Variants in ACSS3 observed in about 807,000 individuals in gnomAD.
ACSS3 encodes acyl-CoA synthetase short-chain family member 3, mitochondrial.
Under a neutral mutation model 84.2 loss-of-function variants are expected in ACSS3, and 64 were observed. The observed-to-expected ratio is 0.76, with a 90% CI of 0.62 to 0.94. The LOEUF is 0.94. Among genes scored for constraint, ACSS3 ranks in the 40% least tolerant of loss-of-function variants. ACSS3 has a pLI of 0.00. For synonymous variants in ACSS3, 317 were observed against 310.1 expected (o/e 1.02, Z -0.23); for missense variants, 815 against 867.6 (o/e 0.94, Z 0.76).
At chr12:81,242,850 G>A (rs1593236117) in intron 13 of ACSS3, among the ~76,000 whole-genome samples, 1 of 151,902 alleles carries the variant, frequency 6.6e-6, no homozygotes, top group East Asian at 1.9e-4. Flanking sequence ...ATATTGATGG[G>A]ATGTATCTCA....
rs147014007 is a variant in ACSS3 at position 81,083,885 on chromosome 12, G to A, written c.311+5454G>A. Among the ~76,000 whole-genome samples the A allele has an allele frequency of 3.8e-3, 582 of 152,138 alleles. 5 individuals are homozygous for A. The highest frequency in any genetic ancestry group is 0.013 in the African/African-American group (550 of 41,554). ...CTTGGGAGACTGAGGCAGGAGAATCGCTTGATCTAGGGAGTCAGAGCCAAG... is the reference window on the plus strand; with the variant it reads ...CTTGGGAGACTGAGGCAGGAGAATCACTTGATCTAGGGAGTCAGAGCCAAG... On this transcript the variant is annotated intron_variant, in intron 1 of 15. Transcript: ENST00000548058.
intron 1 of ACSS3, among the ~76,000 whole-genome samples, chr12:81,091,077 C>T (rs956368693): frequency 1.1e-4 from 17 of 151,506 alleles, no homozygotes; most frequent in Admixed American, 7.2e-4. Context: ...ATTAATTTTT[C>T]TCAAATATTT....
At chr12:81,239,824 A>G (rs1167300618) in intron 13 of ACSS3, among the ~76,000 whole-genome samples, 1 of 151,966 alleles carries the variant, frequency 6.6e-6, no homozygotes, top group Admixed American at 6.6e-5. Flanking sequence ...CTTGTTCTCA[A>G]TTTATCTCAA....
In ACSS3 at chr12:81,259,155, A is replaced by G; in HGVS notation, c.*4233A>G. 1 of 197,104 alleles carries G rather than the reference A, an allele frequency of 5.1e-6. No homozygotes were observed. The highest frequency in any genetic ancestry group is 7.9e-5 in the South Asian group (1 of 12,596). The allele number at this position is 197,104 out of a possible 1,614,324, so 12.2% of individuals were successfully genotyped here. A position where few individuals can be genotyped will look rare whatever the true frequency, so the allele number is the denominator to read the frequency against. ...GGAGAAACACGTTGAAGCATGAAAC[A>G]TGCTTCAAGGAAACATATTGATTTG... On this transcript the variant is annotated 3_prime_UTR_variant, in exon 16 of 16. Coordinates refer to ENST00000548058, the MANE Select transcript of ACSS3 (RefSeq NM_024560.4).
intron 1 of ACSS3, among the ~76,000 whole-genome samples, chr12:81,085,795 G>A (rs1881269547): frequency 2.0e-5 from 3 of 152,272 alleles, no homozygotes; most frequent in East Asian, 1.9e-4. Flanking sequence ...ATTGGATGGT[G>A]GTAATGTGTC....
rs192139880 is a variant in ACSS3, at chr12:81,256,611, C to T, written c.*1689C>T. The T allele has an allele frequency of 9.8e-4, 149 of 152,088 alleles. 1 individual carries two copies. Among genetic ancestry groups the T allele is most frequent in the African/African-American group, 3.4e-3 (143 of 41,488 alleles). 9.4% of individuals were successfully genotyped at this position (152,088 alleles called of 1,614,324 possible). On this transcript the variant is annotated 3_prime_UTR_variant, in exon 16 of 16. Transcript: ENST00000548058. ...AAGAGCAGATTGTTGTAACATAATACTCAGGATACATGAAATGTATGTGAG... is the reference window on the plus strand; with the variant it reads ...AAGAGCAGATTGTTGTAACATAATATTCAGGATACATGAAATGTATGTGAG...
chr12:81,257,356 A>C lies in ACSS3; in HGVS notation c.*2434A>C, dbSNP rs2034339504. 6.6e-6 allele frequency: 1 copy of C among 152,156 alleles called. No homozygotes were observed. The allele number at this position is 152,156 out of a possible 1,614,324, so 9.4% of individuals were successfully genotyped here. On this transcript the variant is annotated 3_prime_UTR_variant, in exon 16 of 16. Transcript: ENST00000548058. ...ATCAGACTGCTTAAAATTTGGGAGG[A>C]AAAAATTCTATTTTACTACTAACCA...
intron 13 of ACSS3, among the ~76,000 whole-genome samples, chr12:81,243,171 C>A (rs2033867881): frequency 6.6e-6 from 1 of 152,094 alleles, no homozygotes; most frequent in Non-Finnish European, 1.5e-5. Flanking sequence ...TCTCAGGATA[C>A]AAAATCAATG....
In ACSS3 at chr12:81,231,133, T is replaced by C. The variant is rs760491965; in HGVS notation, c.1591T>C (p.Phe531Leu). The change falls in exon 12 of 16, where the codon TTT (phenylalanine) becomes CTT (leucine). Residue 531 changes from phenylalanine (F) to leucine (L), a missense_variant. By Grantham distance (22) the Phe-to-Leu change is conservative. Coordinates refer to ENST00000548058, the MANE Select transcript of ACSS3 (RefSeq NM_024560.4). ...EAFKHLYFEK[F>L]PGYYDTMDAG... Reference sequence around the variant, plus strand: ...ATTCAAGCATTTATACTTTGAAAAATTTCCTGTAAGAACTTTAATATGCTT... The same window carrying C: ...ATTCAAGCATTTATACTTTGAAAAACTTCCTGTAAGAACTTTAATATGCTT... The C allele has an allele frequency of 3.7e-6, 6 of 1,606,720 alleles. No individual in the cohort carries two copies. Among genetic ancestry groups the C allele is most frequent in the African/African-American group, 2.7e-5 (2 of 74,458 alleles).
chr12:81,201,869 A>G (rs2032126088), intron 9 of ACSS3, among the ~76,000 whole-genome samples: 1 of 152,158 alleles, frequency 6.6e-6, no homozygotes, highest in South Asian at 2.1e-4. Flanking sequence ...AAATAATTTC[A>G]TTATAGGTGA....
At chr12:81,218,944 A>G (rs971152108) in intron 10 of ACSS3, among the ~76,000 whole-genome samples, 3 of 152,126 alleles carry the variant, frequency 2.0e-5, no homozygotes, top group Non-Finnish European at 4.4e-5. Flanking sequence ...ATAATAAAAA[A>G]AAACGCAGGA....
intron 9 of ACSS3, among the ~76,000 whole-genome samples, chr12:81,200,575 C>T (rs376915991): frequency 9.9e-5 from 15 of 151,912 alleles, no homozygotes; most frequent in African/African-American, 3.6e-4. Context: ...TATATTATGT[C>T]CTTGAATATT....
chr12:81,228,774 A>G (rs186534887), intron 11 of ACSS3, among the ~76,000 whole-genome samples: 3 of 151,958 alleles, frequency 2.0e-5, no homozygotes, highest in Admixed American at 6.6e-5. Context: ...AAAGAGCACT[A>G]AATACTAACT....
At chr12:81,115,487 G>T (rs954423251) in intron 2 of ACSS3, among the ~76,000 whole-genome samples, 1 of 151,836 alleles carries the variant, frequency 6.6e-6, no homozygotes, top group South Asian at 2.1e-4. Context: ...TAAGTTTGCC[G>T]AGATGATATC....
chr12:81,135,494 T>G (rs988439886), intron 3 of ACSS3, among the ~76,000 whole-genome samples: 2 of 149,074 alleles, frequency 1.3e-5, no homozygotes, highest in Non-Finnish European at 3.0e-5. Flanking sequence ...CATGGAATAC[T>G]TCTCAGCCAT....
rs1235987228 is a variant in ACSS3, at chr12:81,109,695, T to C, written c.447T>C (p.Val149=). ...AAGCAACCTTTACCTATAAAGAAGT[T>C]CTGGAGCAGGTAATATCATAAACTT... ...NTKATFTYKE[V]LEQVSKLAGV... Residue 149 remains valine, a synonymous_variant, in exon 2 of 16, where the codon GTT becomes GTC. Coordinates refer to ENST00000548058, the MANE Select transcript of ACSS3 (RefSeq NM_024560.4). 6.3e-6 allele frequency: 10 copies of C among 1,595,906 alleles called. No individual in the cohort carries two copies. The highest frequency in any genetic ancestry group is 7.7e-6 in the Non-Finnish European group (9 of 1,173,810).
chr12:81,242,353 G>A (rs560347097), intron 13 of ACSS3, among the ~76,000 whole-genome samples: 531 of 152,178 alleles, frequency 3.5e-3, no homozygotes, highest in Non-Finnish European at 5.3e-3. Context: ...AGCTGAAATT[G>A]TGGCAATAAT....
chr12:81,164,967 A>T (rs949826928), intron 7 of ACSS3, among the ~76,000 whole-genome samples: 5 of 152,132 alleles, frequency 3.3e-5, no homozygotes, highest in East Asian at 1.9e-4. Context: ...AATAACATTT[A>T]AAAAAATCTA....
intron 2 of ACSS3, among the ~76,000 whole-genome samples, chr12:81,113,429 A>G (rs752003295): frequency 2.0e-5 from 3 of 152,156 alleles, no homozygotes; most frequent in Non-Finnish European, 4.4e-5. Context: ...ACCACTTCAT[A>G]AATTCATTTT....
Sources: gnomAD v4.1 joint callset for allele counts (sites outside exome capture counted in the v4.1 genomes callset) on GRCh38, gnomAD v4.1.1 for gene constraint, MANE v1.5 for transcripts, NCBI Gene and HGNC (gene_info 2026-07-23, HGNC 2026-07-21) for gene names.